The following AFG3L2 variants were observed in gnomAD, a reference collection of about 807,000 sequenced individuals.
AFG3L2 encodes mitochondrial inner membrane m-AAA protease component AFG3L2.
A neutral mutation model predicts 94.5 loss-of-function variants in AFG3L2; 54 were observed. The observed-to-expected ratio is 0.57, with a 90% CI of 0.46 to 0.72. The LOEUF is 0.72. Ranked by LOEUF, AFG3L2 falls within the 30% of genes least tolerant of loss-of-function variation. The pLI, the probability that AFG3L2 is intolerant of heterozygous loss-of-function variation, is 0.00. For synonymous variants in AFG3L2, 377 were observed against 365.5 expected (o/e 1.03, Z -0.36); for missense variants, 754 against 994.9 (o/e 0.76, Z 3.26).
intron 13 of AFG3L2, among the ~76,000 whole-genome samples, chr18:12,348,036 C>T (rs945692563): frequency 1.3e-5 from 2 of 152,194 alleles, no homozygotes; most frequent in African/African-American, 4.8e-5. Context: ...CTCAAACTCA[C>T]CCAGCACCAT....
intron 13 of AFG3L2, among the ~76,000 whole-genome samples, chr18:12,344,554 C>A (rs1264357749): frequency 1.3e-5 from 2 of 152,056 alleles, no homozygotes; most frequent in Admixed American, 1.3e-4. Context: ...AGCGCCTGTA[C>A]TCCCAGCTGC....
intron 3 of AFG3L2, among the ~76,000 whole-genome samples, chr18:12,370,214 A>G (rs996461237): frequency 6.6e-6 from 1 of 152,252 alleles, no homozygotes; most frequent in South Asian, 2.1e-4. Context: ...CCTAAACACA[A>G]TATGTATCAA....
At position 12,358,806 on chromosome 18, in the gene AFG3L2, T is replaced by C. The variant is rs773301900; in HGVS notation, c.890A>G (p.Lys297Arg). ...GLFSVGETTA[K>R]VLKDEIDVKF... is the part of the protein sequence containing the mutation. Reference sequence around the variant, plus strand: ...CACATCAATTTCATCCTTTAAGACCTTGGCAGTGGTTTCTCCGACACTGAA... The same window carrying C: ...CACATCAATTTCATCCTTTAAGACCCTGGCAGTGGTTTCTCCGACACTGAA... Residue 297 changes from lysine (K) to arginine (R), a missense_variant, in exon 8 of 17, where the codon AAG becomes AGG. By Grantham distance (26) the Lys-to-Arg change is conservative. Coordinates refer to ENST00000269143, the MANE Select transcript of AFG3L2 (RefSeq NM_006796.3). 1 of 1,614,244 alleles carries C rather than the reference T, an allele frequency of 6.2e-7. No homozygotes were observed. Among genetic ancestry groups the C allele is most frequent in the Admixed American group, 1.7e-5 (1 of 60,026 alleles).
rs1411437191 is a variant in AFG3L2 at position 12,358,786 on chromosome 18, C to T, written c.910G>A (p.Asp304Asn). 3.1e-6 allele frequency: 5 copies of T among 1,614,164 alleles called. No individual in the cohort carries two copies. The highest frequency in any genetic ancestry group is 1.6e-4 in the Middle Eastern group (1 of 6,084). Residue 304 changes from aspartate to asparagine, a missense_variant, in exon 8 of 17, where the codon GAT becomes AAT. This residue lies in a region of AFG3L2 where 130 missense variants were observed against 175.1 expected (regional missense o/e 0.74). Transcript: ENST00000269143. ...TTAKVLKDEIDVKFKDVAGCE... is the reference protein window; with the variant it reads ...TTAKVLKDEINVKFKDVAGCE... ...CCAGCCACATCTTTGAACTTCACAT[C>T]AATTTCATCCTTTAAGACCTTGGCA...
intron 14 of AFG3L2, 65 bp from the exon 15 acceptor site, chr18:12,340,466 T>C: frequency 8.0e-7 from 1 of 1,252,028 alleles, no homozygotes; most frequent in Non-Finnish European, 1.2e-6. Context: ...AACATCTGTG[T>C]ATAAACAGAT....
rs1292587866 is a variant in AFG3L2, at chr18:12,337,440, G to A, written c.2076C>T (p.Ala692=). The part of the protein sequence containing the change: ...DMVLEKPYSE[A]TARLIDDEVR... ...CTTCATCATCTATCAATCTTGCAGTGGCTTCACTGTAAGGTTTCTCCAATA... is the reference window on the plus strand; with the variant it reads ...CTTCATCATCTATCAATCTTGCAGTAGCTTCACTGTAAGGTTTCTCCAATA... The change falls in exon 16 of 17, where the codon GCC becomes GCT. Residue 692 remains alanine (A), a synonymous_variant. Transcript: ENST00000269143. 6.2e-6 allele frequency: 10 copies of A among 1,614,096 alleles called. No individual in the cohort carries two copies. The highest frequency in any genetic ancestry group is 8.5e-6 in the Non-Finnish European group (10 of 1,179,944).
At chr18:12,369,028 G>A (rs960098980) in intron 3 of AFG3L2, among the ~76,000 whole-genome samples, 5 of 151,972 alleles carry the variant, frequency 3.3e-5, no homozygotes, top group Admixed American at 1.3e-4. Flanking sequence ...CATTCACTCC[G>A]CTATGCTGCA....
chr18:12,331,924 G>T (rs1026967744), intron 16 of AFG3L2, among the ~76,000 whole-genome samples: 1 of 125,490 alleles, frequency 8.0e-6, no homozygotes, highest in African/African-American at 2.8e-5. Flanking sequence ...TTACTTTGAA[G>T]TTCTATTCAT....
chr18:12,329,368 G>A lies in AFG3L2; in HGVS notation c.*197C>T, dbSNP rs568176909. 5.9e-6 allele frequency: 4 copies of A among 679,220 alleles called. No homozygotes were observed. The East Asian group carries it at 1.1e-4, about 18-fold the overall frequency. 42.1% of individuals were successfully genotyped at this position (679,220 alleles called of 1,614,324 possible). A position where few individuals can be genotyped will look rare whatever the true frequency, so the allele number is the denominator to read the frequency against. On this transcript the variant is annotated 3_prime_UTR_variant, in exon 17 of 17. Transcript: ENST00000269143. ...ATGGGACAGTGTGCATTTCCCTCAAGGCCTCCGGAAAGTCACCTGCCACCC... is the reference window on the plus strand; with the variant it reads ...ATGGGACAGTGTGCATTTCCCTCAAAGCCTCCGGAAAGTCACCTGCCACCC...
chr18:12,369,071 G>C (rs989832270), intron 3 of AFG3L2, among the ~76,000 whole-genome samples: 3 of 152,056 alleles, frequency 2.0e-5, no homozygotes, highest in Non-Finnish European at 4.4e-5. Context: ...GTCTCGAGTG[G>C]AGTCTGAGAC....
chr18:12,370,895 AT>A lies in AFG3L2; in HGVS notation c.245del (p.Asn82MetfsTer103). On this transcript the variant is annotated frameshift_variant, in exon 3 of 17. Coordinates refer to ENST00000269143, the MANE Select transcript of AFG3L2 (RefSeq NM_006796.3). LOFTEE classifies it high-confidence loss of function. ...GFEKYFPNGK[N>X]GKKASEPKEV... ...CTTTAGGTTCACTAGCTTTTTTTCC[AT>A]TTTTTCCATTAGGAAAGTATTTTTC... is the stretch of plus-strand genomic sequence containing the variant. 4 of 1,581,300 alleles carry A rather than the reference AT, an allele frequency of 2.5e-6. No individual in the cohort carries two copies. Among genetic ancestry groups the A allele is most frequent in the Non-Finnish European group, 3.5e-6 (4 of 1,154,708 alleles).
intron 7 of AFG3L2, 121 bp downstream of exon 7, chr18:12,359,806 C>G: frequency 1.5e-6 from 2 of 1,316,700 alleles, no homozygotes; most frequent in Non-Finnish European, 2.1e-6. Flanking sequence ...TTTTAAAAAT[C>G]TGGCCAAACT....
rs1435773556 is a variant in AFG3L2, at chr18:12,367,185, C to A, written c.400-68G>T. 5 of 1,612,720 alleles carry A rather than the reference C, an allele frequency of 3.1e-6. No individual in the cohort carries two copies. The East Asian group carries it at 8.9e-5, about 29-fold the overall frequency. On this transcript the variant is annotated intron_variant, in intron 4 of 16. Transcript: ENST00000269143. ...ACAATACGATCTATGCTCTGTGAGA[C>A]ACAAATCCCTCCAACACTACACTAA... is the stretch of plus-strand genomic sequence containing the variant.
chr18:12,368,412 C>T (rs771021566), intron 3 of AFG3L2, among the ~76,000 whole-genome samples: 3 of 152,112 alleles, frequency 2.0e-5, no homozygotes, highest in Non-Finnish European at 4.4e-5. Flanking sequence ...TTCCCACTCC[C>T]ACAAAGTATA....
At chr18:12,372,207 G>C (rs1909013897) in intron 1 of AFG3L2, among the ~76,000 whole-genome samples, 1 of 152,176 alleles carries the variant, frequency 6.6e-6, no homozygotes, top group South Asian at 2.1e-4. Context: ...GGGAGGCTGA[G>C]GCAGGAGTAC....
intron 14 of AFG3L2, chr18:12,342,545 T>C (rs184808288): frequency 6.6e-6 from 1 of 152,342 alleles, no homozygotes; most frequent in Admixed American, 6.5e-5. Flanking sequence ...GTTTGAAATT[T>C]TGATGAGATC....
intron 15 of AFG3L2, among the ~76,000 whole-genome samples, chr18:12,338,281 G>A (rs1241399574): frequency 1.3e-5 from 2 of 152,154 alleles, no homozygotes; most frequent in Admixed American, 6.6e-5. Context: ...GCAGCAAGAA[G>A]CATCTGATAG....
chr18:12,333,928 C>T (rs1907665054), intron 16 of AFG3L2, among the ~76,000 whole-genome samples: 1 of 152,208 alleles, frequency 6.6e-6, no homozygotes, highest in Non-Finnish European at 1.5e-5. Context: ...TGACCCTAAG[C>T]AAAGCTACCT....
At chr18:12,350,874 G>T (rs1282187287) in intron 12 of AFG3L2, among the ~76,000 whole-genome samples, 2 of 152,200 alleles carry the variant, frequency 1.3e-5, no homozygotes, top group African/African-American at 4.8e-5. Flanking sequence ...CTTGAGCCCA[G>T]AAGGTTGAGG....
Sources: allele counts gnomAD v4.1 joint callset (sites outside exome capture counted in the v4.1 genomes callset), GRCh38; gene constraint gnomAD v4.1.1; regional missense constraint gnomAD v4.1.1; transcripts MANE v1.5; gene names NCBI Gene and HGNC (gene_info 2026-07-23, HGNC 2026-07-21).